The following HDAC4 variants were observed in gnomAD, a reference collection of about 807,000 sequenced individuals.
HDAC4 encodes the protein histone deacetylase 4.
A neutral mutation model predicts 135.1 loss-of-function variants in HDAC4; 16 were observed. The ratio of observed to expected loss-of-function variants is 0.12; its 90% CI spans 0.08 to 0.18. The LOEUF is 0.18. Among genes scored for constraint, HDAC4 ranks in the 10% least tolerant of loss-of-function variants. The pLI, the probability that HDAC4 is intolerant of heterozygous loss-of-function variation, is 1.00. For synonymous variants in HDAC4, 685 were observed against 653.4 expected (o/e 1.05, Z -0.74); for missense variants, 1,143 against 1,511.8 (o/e 0.76, Z 4.05).
At chr2:239,242,254 G>A (rs2048229502) in intron 2 of HDAC4, among the ~76,000 whole-genome samples, 1 of 131,642 alleles carries the variant, frequency 7.6e-6, no homozygotes. Flanking sequence ...GGGAGGGAGG[G>A]AGGGAAACGA....
At chr2:239,231,211 G>A (rs2047532312) in intron 3 of HDAC4, among the ~76,000 whole-genome samples, 1 of 152,202 alleles carries the variant, frequency 6.6e-6, no homozygotes, top group African/African-American at 2.4e-5. Flanking sequence ...TACAGAGGGT[G>A]ATGAAACCGC....
At chr2:239,295,515 C>T (rs978959261) in intron 2 of HDAC4, among the ~76,000 whole-genome samples, 2 of 152,058 alleles carry the variant, frequency 1.3e-5, no homozygotes, top group Non-Finnish European at 2.9e-5. Flanking sequence ...CTCCTTCATA[C>T]GCCTTTGTCC....
At chr2:239,099,261 C>A (rs1213667606) in intron 16 of HDAC4, among the ~76,000 whole-genome samples, 1 of 152,206 alleles carries the variant, frequency 6.6e-6, no homozygotes, top group East Asian at 1.9e-4. Context: ...ACAGCCGGTC[C>A]TTTGAAAATG....
intron 2 of HDAC4, among the ~76,000 whole-genome samples, chr2:239,317,399 G>A (rs1306617309): frequency 1.3e-5 from 2 of 151,924 alleles, no homozygotes; most frequent in South Asian, 2.1e-4. Flanking sequence ...AGCATTCCCC[G>A]AGAAAGGAAC....
chr2:239,221,427 A>G (rs2046947561), intron 3 of HDAC4, among the ~76,000 whole-genome samples: 1 of 152,206 alleles, frequency 6.6e-6, no homozygotes, highest in African/African-American at 2.4e-5. Context: ...TGAATTGCAA[A>G]GCAAAACAAA....
chr2:239,190,126 C>T, intron 3 of HDAC4, 49 bp from the exon 4 acceptor site: 2 of 1,574,460 alleles, frequency 1.3e-6, no homozygotes, highest in Non-Finnish European at 1.7e-6. Context: ...CCTTTGCTGT[C>T]CCTGGGCCCC....
In HDAC4 at chr2:239,094,191, G is replaced by A. The variant is rs1405357193; in HGVS notation, c.2280+819C>T. The stretch of plus-strand genomic sequence containing the variant: ...CGGCACTGCAGGACCATGATGGCCC[G>A]GATCTGCTCGGACGCTCCGCCTCAG... On this transcript the variant is annotated intron_variant, in intron 17 of 26. Coordinates refer to ENST00000543185, the MANE Select transcript of HDAC4 (RefSeq NM_001378414.1). The A allele has an allele frequency of 2.4e-5, 24 of 985,310 alleles. No homozygotes were observed. In the East Asian group the frequency reaches 3.4e-4, roughly 14 times the overall value. The allele number at this position is 985,310 out of a possible 1,614,324, so 61.0% of individuals were successfully genotyped here. A position where few individuals can be genotyped will look rare whatever the true frequency, so the allele number is the denominator to read the frequency against.
intron 24 of HDAC4, among the ~76,000 whole-genome samples, chr2:239,059,802 G>C (rs1408825310): frequency 6.6e-6 from 1 of 152,130 alleles, no homozygotes; most frequent in African/African-American, 2.4e-5. Flanking sequence ...CTGGAGCACA[G>C]CTCTCCTGGG....
At chr2:239,081,604 C>T (rs1000394956) in intron 21 of HDAC4, among the ~76,000 whole-genome samples, 7 of 152,224 alleles carry the variant, frequency 4.6e-5, no homozygotes, top group African/African-American at 1.2e-4. Context: ...CAGAGGCAGA[C>T]GGAGCGTCTT....
At chr2:239,228,496 C>T (rs1281133087) in intron 3 of HDAC4, among the ~76,000 whole-genome samples, 1 of 152,112 alleles carries the variant, frequency 6.6e-6, no homozygotes, top group Non-Finnish European at 1.5e-5. Context: ...GCAGTGTTTC[C>T]AGAGAAACCT....
At chr2:239,100,794 C>T (rs2037543411) in intron 16 of HDAC4, among the ~76,000 whole-genome samples, 1 of 152,104 alleles carries the variant, frequency 6.6e-6, no homozygotes, top group Non-Finnish European at 1.5e-5. Flanking sequence ...ATGCTGGCAG[C>T]CCAGTGGGGA....
Position 239,115,098 on chromosome 2 carries a change from C to T in HDAC4, c.1746G>A (p.Glu582=). 1 of 1,611,678 alleles carries T rather than the reference C, an allele frequency of 6.2e-7. No homozygotes were observed. The change falls in exon 13 of 27, where the codon GAG becomes GAA. Residue 582 remains glutamate (E), a synonymous_variant. Coordinates refer to ENST00000543185, the MANE Select transcript of HDAC4 (RefSeq NM_001378414.1). The surrounding 1 kb of genome is among the most constrained non-coding windows in gnomAD (Gnocchi z 6.3). Reference sequence around the variant, plus strand: ...GCTCACTGGGCTGGCGCTGGCCCGGCTCCACCTCCCGTGGGGGCTCTGCCT... The same window carrying T: ...GCTCACTGGGCTGGCGCTGGCCCGGTTCCACCTCCCGTGGGGGCTCTGCCT... The part of the protein sequence containing the change: ...EEEAEPPREV[E]PGQRQPSEQE...
chr2:239,301,484 T>TTTTATTTTTCTCTC, intron 2 of HDAC4, among the ~76,000 whole-genome samples: 1 of 151,308 alleles, frequency 6.6e-6, no homozygotes. Flanking sequence ...TTTTTTTTTT[T>TTTTATTTTTCTCTC]TTATTTTTCT....
At chr2:239,184,790 T>C (rs1246566083) in intron 4 of HDAC4, among the ~76,000 whole-genome samples, 9 of 48,350 alleles carry the variant, frequency 1.9e-4, no homozygotes, top group Non-Finnish European at 1.6e-4. Context: ...GGAGGATGTG[T>C]CCTATGGGGG....
intron 11 of HDAC4, among the ~76,000 whole-genome samples, chr2:239,129,149 G>A (rs968325280): frequency 6.6e-6 from 1 of 151,934 alleles, no homozygotes; most frequent in Admixed American, 6.6e-5. Context: ...AGCCTATCTC[G>A]CCCACTCAGA....
In HDAC4 at chr2:239,055,165, C is replaced by T. The variant is rs551295432; in HGVS notation, c.3004-332G>A. On this transcript the variant is annotated intron_variant, in intron 24 of 26. Transcript: ENST00000543185. Reference sequence around the variant, plus strand: ...CACAGGGTTCCATGAGGGGGAGTGACGCTTACTTCATCACTTTTCTTTCCT... The same window carrying T: ...CACAGGGTTCCATGAGGGGGAGTGATGCTTACTTCATCACTTTTCTTTCCT... 1.3e-4 allele frequency: 45 copies of T among 333,982 alleles called. No homozygotes were observed. In the East Asian group the frequency reaches 2.1e-3, roughly 15 times the overall value. The allele number at this position is 333,982 out of a possible 1,614,324, so 20.7% of individuals were successfully genotyped here. A position where few individuals can be genotyped will look rare whatever the true frequency, so the allele number is the denominator to read the frequency against.
chr2:239,255,019 A>G (rs1193646001), intron 2 of HDAC4, among the ~76,000 whole-genome samples: 1 of 152,248 alleles, frequency 6.6e-6, no homozygotes, highest in Non-Finnish European at 1.5e-5. Context: ...GCAATTCTAC[A>G]CCTATCTAAA....
chr2:239,088,832 C>T (rs915442104), intron 18 of HDAC4, among the ~76,000 whole-genome samples: 15 of 152,156 alleles, frequency 9.9e-5, no homozygotes, highest in African/African-American at 3.6e-4. Flanking sequence ...GGCTCTCTCA[C>T]TACTTATAAG....
chr2:239,122,212 G>A (rs1378350348), intron 12 of HDAC4, among the ~76,000 whole-genome samples: 1 of 152,160 alleles, frequency 6.6e-6, no homozygotes, highest in African/African-American at 2.4e-5. Context: ...ACACACCCGA[G>A]GCCCTCCGCT....
Sources: allele counts gnomAD v4.1 joint callset (sites outside exome capture counted in the v4.1 genomes callset), GRCh38; gene constraint gnomAD v4.1.1; non-coding constraint Gnocchi (gnomAD v3.1); transcripts MANE v1.5; gene names NCBI Gene and HGNC (gene_info 2026-07-23, HGNC 2026-07-21).